The following MTR variants were observed in gnomAD, a reference collection of about 807,000 sequenced individuals.
MTR encodes the protein 5-methyltetrahydrofolate-homocysteine methyltransferase.
MTR carries 84 observed loss-of-function variants against 154.8 expected under a neutral mutation model. The observed-to-expected ratio is 0.54, with a 90% CI of 0.45 to 0.65. The LOEUF is 0.65. Ranked by LOEUF, MTR falls within the 30% of genes least tolerant of loss-of-function variation. The pLI is 0.00. For synonymous variants in MTR, 554 were observed against 553.9 expected, an observed-to-expected ratio of 1.00 and a Z score of 0.00; for missense variants, 1,275 against 1,570.2, an observed-to-expected ratio of 0.81 and a Z score of 3.18.
rs772967310 is a variant in MTR at position 236,829,169 on chromosome 1, T to C, written c.996-20T>C. On this transcript the variant is annotated intron_variant, in intron 11 of 32. Coordinates refer to ENST00000366577, the MANE Select transcript of MTR (RefSeq NM_000254.3). ...TTTTATTCTGAATTAATGGATACAA[T>C]GTTTCCTCTTTCAACTCAGGGAAAT... is the stretch of plus-strand genomic sequence containing the variant. The C allele has an allele frequency of 7.5e-5, 118 of 1,578,410 alleles. No homozygotes were observed. Among genetic ancestry groups the C allele is most frequent in the Non-Finnish European group, 9.3e-5 (107 of 1,147,672 alleles).
At chr1:236,863,294 C>T (rs1222908385) in intron 21 of MTR, among the ~76,000 whole-genome samples, 160 bp from the exon 22 acceptor site, 1 of 152,224 alleles carries the variant, frequency 6.6e-6, no homozygotes, top group Non-Finnish European at 1.5e-5. Context: ...ATTAGGTGGG[C>T]CTCCTTTGAA....
In MTR at chr1:236,850,537, T is replaced by C; in HGVS notation, c.1695+14T>C. 1 of 1,612,234 alleles carries C rather than the reference T, an allele frequency of 6.2e-7. No homozygotes were observed. The highest frequency in any genetic ancestry group is 2.2e-5 in the East Asian group (1 of 44,814). ...AAAGTCATTAAAGTAAGTGTAGGCATGTTCTCTCCCAAGTCATGGCTCAAA... is the reference window on the plus strand; with the variant it reads ...AAAGTCATTAAAGTAAGTGTAGGCACGTTCTCTCCCAAGTCATGGCTCAAA... On this transcript the variant is annotated intron_variant, in intron 16 of 32. Coordinates refer to ENST00000366577, the MANE Select transcript of MTR (RefSeq NM_000254.3).
chr1:236,854,660 T>C (rs1664100417), intron 18 of MTR, among the ~76,000 whole-genome samples: 1 of 152,202 alleles, frequency 6.6e-6, no homozygotes, highest in Non-Finnish European at 1.5e-5. Context: ...AATGCTGTGT[T>C]TTTATCTTTT....
chr1:236,854,564 G>A (rs746376497), intron 18 of MTR, among the ~76,000 whole-genome samples: 1 of 152,118 alleles, frequency 6.6e-6, no homozygotes. Context: ...ATTAATAACT[G>A]TCAAAGAGTT....
In MTR at chr1:236,832,053, A is replaced by C. The variant is rs1384018969; in HGVS notation, c.1163A>C (p.Lys388Thr). 6.2e-7 allele frequency: 1 copy of C among 1,614,058 alleles called. No homozygotes were observed. The highest frequency in any genetic ancestry group is 8.5e-7 in the Non-Finnish European group (1 of 1,179,886). Residue 388 changes from lysine to threonine, a missense_variant, in exon 13 of 33, where the codon AAA becomes ACA. By Grantham distance (78) the Lys-to-Thr change is moderately conservative. Transcript: ENST00000366577. Reference protein sequence around the residue: ...CNVAGSRKFAKLIMAGNYEEA... With the variant: ...CNVAGSRKFATLIMAGNYEEA... ...GTTGCAGGATCAAGGAAGTTTGCTA[A>C]ACTCATCATGGCAGGAAACTATGAA...
At chr1:236,897,347 C>T (rs1329523305) in intron 32 of MTR, among the ~76,000 whole-genome samples, 2 of 151,260 alleles carry the variant, frequency 1.3e-5, no homozygotes, top group African/African-American at 2.4e-5. Context: ...CACACACATA[C>T]AGCTTCTAAG....
At chr1:236,810,443 T>G in intron 4 of MTR, 60 bp from the exon 5 acceptor site, 3 of 1,368,392 alleles carry the variant, frequency 2.2e-6, no homozygotes, top group Non-Finnish European at 3.1e-6. Context: ...TGGCTATTCA[T>G]TCACGACAAA....
chr1:236,860,730 TTAG>T, intron 19 of MTR, among the ~76,000 whole-genome samples: 1 of 152,348 alleles, frequency 6.6e-6, no homozygotes, highest in South Asian at 2.1e-4. Context: ...TTTGAACTTA[TTAG>T]TCCTTCTCTG....
At position 236,874,806 on chromosome 1, in the gene MTR, A is replaced by G. The variant is rs753462562; in HGVS notation, c.2554A>G (p.Ile852Val). The G allele has an allele frequency of 1.9e-6, 3 of 1,613,664 alleles. No individual in the cohort carries two copies. Among genetic ancestry groups the G allele is most frequent in the South Asian group, 1.1e-5 (1 of 91,072 alleles). ...FVAKEMERLA[I>V]RIPLLIGGAT... ...TGCCAAGGAAATGGAGAGATTAGCT[A>G]TAAGGATTCCATTGTTGATTGGAGG... The change falls in exon 24 of 33, where the codon ATA becomes GTA. Residue 852 changes from isoleucine to valine, a missense_variant. Coordinates refer to ENST00000366577, the MANE Select transcript of MTR (RefSeq NM_000254.3).
intron 1 of MTR, chr1:236,800,382 A>G (rs1660638771): frequency 2.0e-6 from 2 of 985,314 alleles, no homozygotes; most frequent in East Asian, 2.3e-4. Flanking sequence ...CACTAGGCTT[A>G]TGATTCAGTC....
In MTR at chr1:236,897,689, G is replaced by A; in HGVS notation, c.*45G>A. 1.3e-6 allele frequency: 2 copies of A among 1,507,450 alleles called. No homozygotes were observed. Among genetic ancestry groups the A allele is most frequent in the Non-Finnish European group, 1.8e-6 (2 of 1,086,306 alleles). 93.4% of individuals were successfully genotyped at this position (1,507,450 alleles called of 1,614,324 possible). On this transcript the variant is annotated 3_prime_UTR_variant, in exon 33 of 33. Transcript: ENST00000366577. ...TTTTTTATTCTTGATGATCCTCAAG[G>A]AAATACAACCTAGGGTGCCTTAAAA...
rs1422635105 is a variant in MTR at position 236,806,180 on chromosome 1, A to G, written c.286A>G (p.Asn96Asp). 1 of 1,614,154 alleles carries G rather than the reference A, an allele frequency of 6.2e-7. No individual in the cohort carries two copies. The highest frequency in any genetic ancestry group is 8.5e-7 in the Non-Finnish European group (1 of 1,180,024). The change falls in exon 3 of 33, where the codon AAT (asparagine) becomes GAT (aspartate). Residue 96 changes from asparagine (N) to aspartate (D), a missense_variant. Transcript: ENST00000366577. ...LLAGADIIETNTFSSTSIAQA... is the reference protein window; with the variant it reads ...LLAGADIIETDTFSSTSIAQA... ...GGCTGGGGCAGATATCATTGAAACA[A>G]ATACTTTTAGCAGCACTAGTATTGC... is the stretch of plus-strand genomic sequence containing the variant.
intron 22 of MTR, among the ~76,000 whole-genome samples, chr1:236,873,249 A>G (rs1665236832): frequency 6.6e-6 from 1 of 152,234 alleles, no homozygotes; most frequent in South Asian, 2.1e-4. Context: ...AGAGAAAGAA[A>G]GTAGAGTAGA....
intron 16 of MTR, among the ~76,000 whole-genome samples, chr1:236,850,765 G>A (rs573369281): frequency 2.0e-5 from 3 of 152,260 alleles, no homozygotes; most frequent in Admixed American, 1.3e-4. Flanking sequence ...CAGGAGGGTG[G>A]AGGTTGCATT....
At chr1:236,884,586 G>A (rs761435549) in intron 25 of MTR, among the ~76,000 whole-genome samples, 1 of 152,168 alleles carries the variant, frequency 6.6e-6, no homozygotes, top group Non-Finnish European at 1.5e-5. Flanking sequence ...GAGTAATCTG[G>A]ATGGTGCTTA....
chr1:236,889,758 T>C (rs1435641662), intron 28 of MTR, among the ~76,000 whole-genome samples: 6 of 152,098 alleles, frequency 3.9e-5, no homozygotes, highest in Non-Finnish European at 8.8e-5. Context: ...TTTTTGACGA[T>C]TCAGTGGGAG....
At chr1:236,806,369 A>G (rs1207140107) in intron 3 of MTR, 136 bp downstream of exon 3, 1 of 762,292 alleles carries the variant, frequency 1.3e-6, no homozygotes, top group Admixed American at 2.0e-5. Flanking sequence ...TGAGACAGGG[A>G]AAATGGTGTG....
chr1:236,869,110 C>CT (rs971504291), intron 22 of MTR, among the ~76,000 whole-genome samples: 1 of 151,656 alleles, frequency 6.6e-6, no homozygotes, highest in African/African-American at 2.4e-5. Flanking sequence ...CCTTAGTTAA[C>CT]TGAGAAATAA....
At chr1:236,859,945 G>A in intron 19 of MTR, 23 bp downstream of exon 19, 4 of 1,597,242 alleles carry the variant, frequency 2.5e-6, no homozygotes, top group Non-Finnish European at 3.4e-6. Context: ...GGCCTGAACT[G>A]GAGGGCTGGA....
Sources: gnomAD v4.1 joint callset for allele counts (sites outside exome capture counted in the v4.1 genomes callset) on GRCh38, gnomAD v4.1.1 for gene constraint, MANE v1.5 for transcripts, NCBI Gene and HGNC (gene_info 2026-07-23, HGNC 2026-07-21) for gene names.